The following ZNF317 variants were observed in gnomAD, a reference collection of about 807,000 sequenced individuals.
The protein encoded by ZNF317 is zinc finger protein 317.
Under a neutral mutation model 23.4 loss-of-function variants are expected in ZNF317, and 17 were observed. That is an observed-to-expected ratio of 0.73 (90% confidence interval 0.50 to 1.09). The LOEUF is 1.09. Among genes scored for constraint, ZNF317 ranks in the 50% least tolerant of loss-of-function variants. The pLI, the probability that ZNF317 is intolerant of heterozygous loss-of-function variation, is 0.00. For synonymous variants in ZNF317, 317 were observed against 314.9 expected, an observed-to-expected ratio of 1.01 and a Z score of -0.07; for missense variants, 679 against 796.7, an observed-to-expected ratio of 0.85 and a Z score of 1.78.
rs1428947547 is a variant in ZNF317 at position 9,158,892 on chromosome 19, C to T, written c.452C>T (p.Pro151Leu). The change falls in exon 6 of 7, where the codon CCC (proline) becomes CTC (leucine). Residue 151 changes from proline (P) to leucine (L), a missense_variant. Pro to Leu is a moderately conservative substitution (Grantham distance 98, BLOSUM62 -3). Transcript: ENST00000247956. ...GAAGATATTTTTGGGAAGGAAACGCCCAGTGGTGTGACGATGGTAAGATTT... is the reference window on the plus strand; with the variant it reads ...GAAGATATTTTTGGGAAGGAAACGCTCAGTGGTGTGACGATGGTAAGATTT... ...LMEDIFGKETPSGVTMERAGL... is the reference protein window; with the variant it reads ...LMEDIFGKETLSGVTMERAGL... 3 of 1,611,202 alleles carry T rather than the reference C, an allele frequency of 1.9e-6. No individual in the cohort carries two copies. In the South Asian group the frequency reaches 3.3e-5, roughly 18 times the overall value.
rs764287714 is a variant in ZNF317, at chr19:9,161,483, G to C, written c.*50G>C. Reference sequence around the variant, plus strand: ...ATGATTCAGACCGGAAACAGACCTCGTGGGTGTAAGAGGAAGCCTCTGTGA... The same window carrying C: ...ATGATTCAGACCGGAAACAGACCTCCTGGGTGTAAGAGGAAGCCTCTGTGA... On this transcript the variant is annotated 3_prime_UTR_variant, in exon 7 of 7. Transcript: ENST00000247956. The surrounding 1 kb of genome is among the most constrained non-coding windows in gnomAD (Gnocchi z 4.0). 24 of 1,560,038 alleles carry C rather than the reference G, an allele frequency of 1.5e-5. No homozygotes were observed. The highest frequency in any genetic ancestry group is 2.7e-5 in the African/African-American group (2 of 73,726).
chr19:9,144,409 T>A (rs550531203), intron 1 of ZNF317, among the ~76,000 whole-genome samples: 2 of 152,332 alleles, frequency 1.3e-5, no homozygotes, highest in Admixed American at 6.5e-5. Context: ...TCTGTTAGCA[T>A]CTTCTGTATT....
intron 1 of ZNF317, among the ~76,000 whole-genome samples, chr19:9,142,209 G>A (rs1298740307): frequency 1.3e-5 from 2 of 152,218 alleles, no homozygotes; most frequent in Non-Finnish European, 2.9e-5. Flanking sequence ...TAACTTTTGT[G>A]TAGTTTGTTG....
chr19:9,156,471 G>A lies in ZNF317; in HGVS notation c.26-141G>A, dbSNP rs942861932. On this transcript the variant is annotated intron_variant, in intron 2 of 6. Coordinates refer to ENST00000247956, the MANE Select transcript of ZNF317 (RefSeq NM_020933.5). ...CTTGTTATGAAACTGATGTGTGCAA[G>A]AGAGGTGGGGGGAGGAAGAGAGAGA... The A allele has an allele frequency of 1.8e-5, 20 of 1,140,418 alleles. No homozygotes were observed. In the African/African-American group the frequency reaches 2.6e-4, roughly 15 times the overall value. 70.6% of individuals were successfully genotyped at this position (1,140,418 alleles called of 1,614,324 possible).
chr19:9,146,532 A>G (rs1193118683), intron 1 of ZNF317, among the ~76,000 whole-genome samples: 3 of 151,500 alleles, frequency 2.0e-5, no homozygotes, highest in African/African-American at 7.3e-5. Context: ...GGTTCAAGCA[A>G]TCTTCCCACC....
At chr19:9,145,472 C>T (rs765120959) in intron 1 of ZNF317, among the ~76,000 whole-genome samples, 5 of 152,166 alleles carry the variant, frequency 3.3e-5, no homozygotes, top group Non-Finnish European at 7.4e-5. Context: ...TTAACAAGAC[C>T]TCCAGGTGAC....
At position 9,160,586 on chromosome 19, in the gene ZNF317, C is replaced by G; in HGVS notation, c.941C>G (p.Ala314Gly). 1 of 1,614,196 alleles carries G rather than the reference C, an allele frequency of 6.2e-7. No homozygotes were observed. Among genetic ancestry groups the G allele is most frequent in the Admixed American group, 1.7e-5 (1 of 60,032 alleles). ...TACAAGTGTGATCAGTGCGGGAAGGCTTACGGCCGGAGCTGCCACCTCATC... is the reference window on the plus strand; with the variant it reads ...TACAAGTGTGATCAGTGCGGGAAGGGTTACGGCCGGAGCTGCCACCTCATC... ...RPYKCDQCGK[A>G]YGRSCHLIAH... is the part of the protein sequence containing the mutation. The change falls in exon 7 of 7, where the codon GCT (alanine) becomes GGT (glycine). Residue 314 changes from alanine to glycine, a missense_variant. Transcript: ENST00000247956. The surrounding 1 kb of genome is among the most constrained non-coding windows in gnomAD (Gnocchi z 6.8).
intron 1 of ZNF317, among the ~76,000 whole-genome samples, chr19:9,149,668 C>G (rs1019529633): frequency 5.3e-5 from 8 of 152,014 alleles, no homozygotes; most frequent in African/African-American, 1.9e-4. Context: ...GCTTCTGTGG[C>G]TTGGGTGAGG....
At position 9,160,366 on chromosome 19, in the gene ZNF317, A is replaced by G. The variant is rs188765731; in HGVS notation, c.721A>G (p.Arg241Gly). The G allele has an allele frequency of 6.2e-7, 1 of 1,614,238 alleles. No individual in the cohort carries two copies. Among genetic ancestry groups the G allele is most frequent in the African/African-American group, 1.3e-5 (1 of 75,068 alleles). Residue 241 changes from arginine (R) to glycine (G), a missense_variant, in exon 7 of 7, where the codon AGG (arginine) becomes GGG (glycine). Arg to Gly is a moderately radical substitution (Grantham distance 125, BLOSUM62 -2). Coordinates refer to ENST00000247956, the MANE Select transcript of ZNF317 (RefSeq NM_020933.5). This position sits in a 1 kb window ranked among gnomAD's most constrained non-coding sequence, Gnocchi z 6.8. ...CACGAGCGCGTCCCTCACACGGCAC[A>G]GGAGAATCCACACCGGGGAGAAGCC... ...FTTSASLTRH[R>G]RIHTGEKPYE... is the part of the protein sequence containing the mutation.
intron 1 of ZNF317, among the ~76,000 whole-genome samples, chr19:9,144,681 T>A (rs888663162): frequency 4.6e-5 from 7 of 152,228 alleles, no homozygotes; most frequent in Admixed American, 4.6e-4. Context: ...GTTCTTTTTT[T>A]AAACCTCAGA....
intron 1 of ZNF317, among the ~76,000 whole-genome samples, chr19:9,153,516 A>C (rs1182159862): frequency 6.6e-6 from 1 of 152,134 alleles, no homozygotes. Context: ...AGGCAAAGGG[A>C]ATAAGATCTC....
intron 5 of ZNF317, among the ~76,000 whole-genome samples, chr19:9,158,375 T>C (rs1255212673): frequency 2.4e-5 from 3 of 126,456 alleles, no homozygotes; most frequent in Non-Finnish European, 4.9e-5. Context: ...TTTTTTTTTT[T>C]TTTTTTTTTT....
rs1184022644 is a variant in ZNF317, at chr19:9,162,927, C to T, written c.*1494C>T. 6.6e-6 allele frequency: 1 copy of T among 152,178 alleles called. No homozygotes were observed. Among genetic ancestry groups the T allele is most frequent in the Non-Finnish European group, 1.5e-5 (1 of 68,048 alleles). The allele number at this position is 152,178 out of a possible 1,614,324, so 9.4% of individuals were successfully genotyped here. ...AATATGTTTGCAGCCTGCTGTCCAG[C>T]CAAGAGTGACAGATACTTCTAGTGA... On this transcript the variant is annotated 3_prime_UTR_variant, in exon 7 of 7. Coordinates refer to ENST00000247956, the MANE Select transcript of ZNF317 (RefSeq NM_020933.5).
Position 9,160,831 on chromosome 19 carries a change from G to A in ZNF317, c.1186G>A (p.Gly396Arg), listed in dbSNP as rs767615889. The stretch of plus-strand genomic sequence containing the variant: ...GAAGACCTACGAATGTAAAGAATGC[G>A]GGAAATCCTTTGGCGATCTCGTGTC... ...VEKTYECKEC[G>R]KSFGDLVSRR... The change falls in exon 7 of 7, where the codon GGG becomes AGG. Residue 396 changes from glycine (G) to arginine (R), a missense_variant. Transcript: ENST00000247956. This position sits in a 1 kb window ranked among gnomAD's most constrained non-coding sequence, Gnocchi z 6.8. 10 of 1,614,068 alleles carry A rather than the reference G, an allele frequency of 6.2e-6. No individual in the cohort carries two copies. Among genetic ancestry groups the A allele is most frequent in the South Asian group, 1.1e-5 (1 of 91,092 alleles).
chr19:9,154,542 T>C (rs1162171139), intron 1 of ZNF317, among the ~76,000 whole-genome samples: 5 of 152,202 alleles, frequency 3.3e-5, no homozygotes, highest in Non-Finnish European at 7.3e-5. Context: ...CTCCATGTAG[T>C]GTGTCTGCAT....
In ZNF317 at chr19:9,156,037, A is replaced by G. The variant is rs2050778680; in HGVS notation, c.21A>G (p.Thr7=). The change falls in exon 2 of 7, where the codon ACA becomes ACG. Residue 7 remains threonine (T), a synonymous_variant. Coordinates refer to ENST00000247956, the MANE Select transcript of ZNF317 (RefSeq NM_020933.5). MAALSP[T]FATSTQDSTC... ...TGAGGATGGCAGCTCTGTCCCCCAC[A>G]TTTGGTAAGTTCTTGGGTCAGTGCG... 1.2e-6 allele frequency: 2 copies of G among 1,614,006 alleles called. No individual in the cohort carries two copies. The highest frequency in any genetic ancestry group is 8.5e-7 in the Non-Finnish European group (1 of 1,180,040).
rs751212727 is a variant in ZNF317, at chr19:9,160,099, C to G, written c.469-15C>G. 18 of 1,613,210 alleles carry G rather than the reference C, an allele frequency of 1.1e-5. No homozygotes were observed. In the Admixed American group the frequency reaches 3.0e-4, roughly 27 times the overall value. On this transcript the variant is annotated splice_polypyrimidine_tract_variant and intron_variant, in intron 6 of 6. Coordinates refer to ENST00000247956, the MANE Select transcript of ZNF317 (RefSeq NM_020933.5). The surrounding 1 kb of genome is among the most constrained non-coding windows in gnomAD (Gnocchi z 6.8). The stretch of plus-strand genomic sequence containing the variant: ...TGAGAATTGCCTTTGTCAGCACTTA[C>G]GTCTTAACCAACAGGAAAGAGCCGG...
At position 9,160,283 on chromosome 19, in the gene ZNF317, T is replaced by G; in HGVS notation, c.638T>G (p.Met213Arg). Reference protein sequence around the residue: ...FKGRPHLTQHMSMYDGRKMHE... With the variant: ...FKGRPHLTQHRSMYDGRKMHE... ...GGCAGGCCGCACCTCACTCAGCACA[T>G]GAGCATGTACGACGGGAGAAAAATG... The change falls in exon 7 of 7, where the codon ATG becomes AGG. Residue 213 changes from methionine to arginine, a missense_variant. Transcript: ENST00000247956. The surrounding 1 kb of genome is among the most constrained non-coding windows in gnomAD (Gnocchi z 6.8). 6.2e-7 allele frequency: 1 copy of G among 1,614,118 alleles called. No individual in the cohort carries two copies. The highest frequency in any genetic ancestry group is 8.5e-7 in the Non-Finnish European group (1 of 1,180,006).
At chr19:9,149,057 G>C (rs563663272) in intron 1 of ZNF317, among the ~76,000 whole-genome samples, 2 of 152,330 alleles carry the variant, frequency 1.3e-5, no homozygotes, top group Middle Eastern at 3.4e-3. Context: ...CAAGTGACAT[G>C]AGCAAGGCGT....
Sources: allele counts gnomAD v4.1 joint callset (sites outside exome capture counted in the v4.1 genomes callset), GRCh38; gene constraint gnomAD v4.1.1; non-coding constraint Gnocchi (gnomAD v3.1); transcripts MANE v1.5; gene names NCBI Gene and HGNC (gene_info 2026-07-23, HGNC 2026-07-21).